The following SMARCA4 variants were observed in gnomAD, a reference collection of about 807,000 sequenced individuals.
SMARCA4 encodes the protein SWI/SNF-related matrix-associated actin-dependent regulator of chromatin subfamily A member 4.
In SMARCA4, 31 loss-of-function variants were observed where a neutral mutation model predicts 193.9. That is an observed-to-expected ratio of 0.16 (90% CI 0.12 to 0.22). SMARCA4 has a LOEUF of 0.22. Ranked by LOEUF, SMARCA4 falls within the 10% of genes least tolerant of loss-of-function variation. SMARCA4 has a pLI of 1.00. For synonymous variants in SMARCA4, 942 were observed against 933.1 expected (o/e 1.01, Z -0.17); for missense variants, 1,148 against 2,296.0 (o/e 0.50, Z 10.22).
chr19:10,995,811 C>T (rs985744042), intron 9 of SMARCA4: 8 of 361,432 alleles, frequency 2.2e-5, no homozygotes, highest in African/African-American at 8.5e-5. Context: ...GAGCCTCACC[C>T]GGGAGGGTTT....
Position 10,987,248 on chromosome 19 carries a change from C to T in SMARCA4, c.859+245C>T, listed in dbSNP as rs960094586. 6.6e-6 allele frequency among the ~76,000 whole-genome samples: 1 copy of T among 152,192 alleles called. No individual in the cohort carries two copies. The highest frequency in any genetic ancestry group is 6.5e-5 in the Admixed American group (1 of 15,272). On this transcript the variant is annotated intron_variant, in intron 5 of 34. Transcript: ENST00000344626. This position sits in a 1 kb window ranked among gnomAD's most constrained non-coding sequence, Gnocchi z 5.3. ...TCCCTGAGCCCTGTATATGTAATTG[C>T]TCAGTAAGTGCTGCAGGCTCCCATC...
chr19:11,026,280 C>T lies in SMARCA4; in HGVS notation c.3169-20C>T, dbSNP rs1282967156. On this transcript the variant is annotated intron_variant, in intron 22 of 34. Transcript: ENST00000344626. ...GGCCTGCTCCTGCCTGTCACTGACC[C>T]CTCTCTCCTTGCCTTGCAGGAGTCC... 2 of 1,611,564 alleles carry T rather than the reference C, an allele frequency of 1.2e-6. No individual in the cohort carries two copies. Among genetic ancestry groups the T allele is most frequent in the Admixed American group, 1.7e-5 (1 of 60,012 alleles).
chr19:11,062,105 A>C lies in SMARCA4; in HGVS notation c.*289A>C, dbSNP rs1015177646. 1.2e-5 allele frequency: 6 copies of C among 518,618 alleles called. No homozygotes were observed. The highest frequency in any genetic ancestry group is 1.1e-4 in the African/African-American group (6 of 52,472). 32.1% of individuals were successfully genotyped at this position (518,618 alleles called of 1,614,324 possible). ...GTTTTTCTTTTCCGTTGCTGGCAGT[A>C]CTGTTGCGCCGCAGTTTGGAGTCAC... On this transcript the variant is annotated 3_prime_UTR_variant, in exon 35 of 35. Transcript: ENST00000344626.
rs750380248 is a variant in SMARCA4 at position 11,059,733 on chromosome 19, C to T, written c.4636-20C>T. The T allele has an allele frequency of 1.1e-5, 17 of 1,555,306 alleles. No individual in the cohort carries two copies. The highest frequency in any genetic ancestry group is 4.7e-5 in the South Asian group (4 of 84,362). On this transcript the variant is annotated intron_variant, in intron 32 of 34. Transcript: ENST00000344626. Reference sequence around the variant, plus strand: ...CTCCAGTCGGGCCCATCCACTCAAGCCCCTGGTGTCTCTGCCCAGATCTAT... The same window carrying T: ...CTCCAGTCGGGCCCATCCACTCAAGTCCCTGGTGTCTCTGCCCAGATCTAT...
At chr19:11,053,364 A>T (rs1170882943) in intron 30 of SMARCA4, among the ~76,000 whole-genome samples, 2 of 151,040 alleles carry the variant, frequency 1.3e-5, no homozygotes, top group African/African-American at 4.9e-5. Context: ...GGTGCCTGTA[A>T]TCCCAGCTAC....
In SMARCA4 at chr19:11,027,828, G is replaced by A. The variant is rs2146542517; in HGVS notation, c.3260G>A (p.Arg1087Lys). ...RASGKFELLD[R>K]ILPKLRATNH... Reference sequence around the variant, plus strand: ...TCGGGTAAATTTGAGCTTCTTGATAGAATTCTTCCCAAACTCCGAGCAACC... The same window carrying A: ...TCGGGTAAATTTGAGCTTCTTGATAAAATTCTTCCCAAACTCCGAGCAACC... The change falls in exon 24 of 35, where the codon AGA (arginine) becomes AAA (lysine). Residue 1087 changes from arginine (R) to lysine (K), a missense_variant. Physicochemically the swap from Arg to Lys is conservative, Grantham distance 26. This residue lies in a region of SMARCA4 where 74 missense variants were observed against 392.3 expected (regional missense o/e 0.19). Transcript: ENST00000344626. The A allele has an allele frequency of 6.2e-7, 1 of 1,614,130 alleles. No individual in the cohort carries two copies. The highest frequency in any genetic ancestry group is 8.5e-7 in the Non-Finnish European group (1 of 1,180,044).
In SMARCA4 at chr19:10,980,336, A is replaced by T. The variant is rs182655916; in HGVS notation, c.-31-3785A>T. 9.9e-5 allele frequency among the ~76,000 whole-genome samples: 15 copies of T among 152,284 alleles called. No individual in the cohort carries two copies. The East Asian group carries it at 2.9e-3, about 29-fold the overall frequency. On this transcript the variant is annotated intron_variant, in intron 1 of 34. Transcript: ENST00000344626. ...AGCAGACTTGCCTTATTCGGGCACA[A>T]AATGGTTTTTTGGGGCAGCATCTTC...
Position 11,033,210 on chromosome 19 carries a change from C to G in SMARCA4, c.3547-80C>G. Reference sequence around the variant, plus strand: ...CGAGGGTGGCACGCACAGCACACCTCTCCAGCTAGTGTCAGAGGCCACCTT... The same window carrying G: ...CGAGGGTGGCACGCACAGCACACCTGTCCAGCTAGTGTCAGAGGCCACCTT... On this transcript the variant is annotated intron_variant, in intron 25 of 34. Coordinates refer to ENST00000344626, the MANE Select transcript of SMARCA4 (RefSeq NM_003072.5). The surrounding 1 kb of genome is among the most constrained non-coding windows in gnomAD (Gnocchi z 9.8). The G allele has an allele frequency of 9.1e-7, 1 of 1,094,774 alleles. No homozygotes were observed. Among genetic ancestry groups the G allele is most frequent in the Non-Finnish European group, 1.4e-6 (1 of 711,246 alleles). 67.8% of individuals were successfully genotyped at this position (1,094,774 alleles called of 1,614,324 possible).
chr19:10,987,802 C>G lies in SMARCA4; in HGVS notation c.996C>G (p.Ser332=), dbSNP rs2145818726. 1 of 1,603,016 alleles carries G rather than the reference C, an allele frequency of 6.2e-7. No individual in the cohort carries two copies. The highest frequency in any genetic ancestry group is 1.1e-5 in the South Asian group (1 of 89,866). ...ASPVMPPQTQ[S]PGQPAQPAPM... ...CCGTGATGCCACCGCAGACCCAGTC[C>G]CCCGGGCAGCCGGCCCAGCCCGCGC... is the stretch of plus-strand genomic sequence containing the variant. The change falls in exon 6 of 35, where the codon TCC becomes TCG. Residue 332 remains serine, a synonymous_variant. Transcript: ENST00000344626. This position sits in a 1 kb window ranked among gnomAD's most constrained non-coding sequence, Gnocchi z 5.3.
In SMARCA4 at chr19:10,978,626, G is replaced by A. The variant is rs1335554227; in HGVS notation, c.-31-5495G>A. On this transcript the variant is annotated intron_variant, in intron 1 of 34. Transcript: ENST00000344626. ...CAGGTATGAGCCATCACGCCCGGCCGATACTTTCTACTTTTTAAAAGTGGA... is the reference window on the plus strand; with the variant it reads ...CAGGTATGAGCCATCACGCCCGGCCAATACTTTCTACTTTTTAAAAGTGGA... 2.7e-5 allele frequency among the ~76,000 whole-genome samples: 4 copies of A among 149,068 alleles called. No homozygotes were observed. The South Asian group carries it at 6.9e-4, about 26-fold the overall frequency.
intron 9 of SMARCA4, chr19:10,995,827 G>A: frequency 2.7e-6 from 1 of 366,492 alleles, no homozygotes; most frequent in South Asian, 2.1e-5. Context: ...GGTTTTGGCT[G>A]TGGGGTGATG....
intron 1 of SMARCA4, among the ~76,000 whole-genome samples, chr19:10,974,285 A>G (rs1568401706): frequency 1.3e-5 from 2 of 152,098 alleles, no homozygotes; most frequent in Non-Finnish European, 1.5e-5. Context: ...GTCTCCTTCC[A>G]CATTTGAACG....
intron 16 of SMARCA4, chr19:11,015,963 A>G (rs2089316457): frequency 6.6e-6 from 1 of 152,242 alleles, no homozygotes; most frequent in East Asian, 1.9e-4. Context: ...GTGAGCCAAT[A>G]TCGTGCCATT....
intron 22 of SMARCA4, 118 bp downstream of exon 22, chr19:11,025,626 C>A (rs181474640): frequency 5.3e-6 from 4 of 759,874 alleles, no homozygotes; most frequent in Non-Finnish European, 7.0e-6. Context: ...TTAGGTAATG[C>A]CTGTACATCT....
intron 14 of SMARCA4, among the ~76,000 whole-genome samples, chr19:11,009,275 C>T (rs2088578246): frequency 6.6e-6 from 1 of 151,928 alleles, no homozygotes; most frequent in South Asian, 2.1e-4. Flanking sequence ...CCACTTTGAG[C>T]TCCCAAAGTG....
intron 30 of SMARCA4, among the ~76,000 whole-genome samples, chr19:11,054,198 C>G (rs1017618341): frequency 6.6e-6 from 1 of 152,212 alleles, no homozygotes; most frequent in Non-Finnish European, 1.5e-5. Context: ...AGATAAATTC[C>G]TAGGAGAACT....
chr19:10,986,853 A>C lies in SMARCA4; in HGVS notation c.761-52A>C. 1.4e-6 allele frequency: 2 copies of C among 1,475,116 alleles called. No homozygotes were observed. Among genetic ancestry groups the C allele is most frequent in the South Asian group, 2.3e-5 (2 of 88,378 alleles). 91.4% of individuals were successfully genotyped at this position (1,475,116 alleles called of 1,614,324 possible). On this transcript the variant is annotated intron_variant, in intron 4 of 34. Coordinates refer to ENST00000344626, the MANE Select transcript of SMARCA4 (RefSeq NM_003072.5). This position sits in a 1 kb window ranked among gnomAD's most constrained non-coding sequence, Gnocchi z 6.7. ...CAGGGCTGCCCACGGGGCTGGGCGCAGGCATAAACCTGGGACGCACTGTTT... is the reference window on the plus strand; with the variant it reads ...CAGGGCTGCCCACGGGGCTGGGCGCCGGCATAAACCTGGGACGCACTGTTT...
chr19:10,970,203 G>A lies in SMARCA4; in HGVS notation c.-32+9029G>A, dbSNP rs111584747. Among the ~76,000 whole-genome samples the A allele has an allele frequency of 1.4e-3, 210 of 152,276 alleles. 1 individual carries two copies. Among genetic ancestry groups the A allele is most frequent in the African/African-American group, 4.8e-3 (199 of 41,548 alleles). ...TGGCATGTACGGAGGGGCCATTGAA[G>A]CTGTCTGTATTGCTTCCATCTGGTT... On this transcript the variant is annotated intron_variant, in intron 1 of 34. Transcript: ENST00000344626.
intron 19 of SMARCA4, among the ~76,000 whole-genome samples, chr19:11,023,221 G>T (rs2146446794): frequency 6.6e-6 from 1 of 152,354 alleles, no homozygotes; most frequent in East Asian, 1.9e-4. Context: ...TGGAGAAGCA[G>T]CATGCCCGCT....
Sources: allele counts gnomAD v4.1 joint callset (sites outside exome capture counted in the v4.1 genomes callset), GRCh38; gene constraint gnomAD v4.1.1; regional missense constraint gnomAD v4.1.1; non-coding constraint Gnocchi (gnomAD v3.1); transcripts MANE v1.5; gene names NCBI Gene and HGNC (gene_info 2026-07-23, HGNC 2026-07-21).